The following NCAM2 variants were observed in gnomAD, a reference collection of about 807,000 sequenced individuals.
NCAM2 encodes neural cell adhesion molecule 2.
NCAM2 carries 30 observed loss-of-function variants against 98.1 expected under a neutral mutation model. The ratio of observed to expected loss-of-function variants is 0.31; its 90% confidence interval spans 0.23 to 0.41. The LOEUF (loss-of-function observed/expected upper bound fraction) is 0.41, where lower values mean the gene tolerates loss of function less well. Ranked by LOEUF, NCAM2 falls within the 10% of genes least tolerant of loss-of-function variation. The probability of loss-of-function intolerance (pLI) is 1.00; values close to 1 mark genes in which losing one functional copy is unlikely to be tolerated. For missense variants in NCAM2, 867 were observed against 1,005.8 expected (o/e 0.86, Z 1.87); for synonymous variants, 368 against 342.4 (o/e 1.07, Z -0.83).
At chr21:21,252,398 C>G (rs1435724529) in intron 1 of NCAM2, among the ~76,000 whole-genome samples, 6 of 149,962 alleles carry the variant, frequency 4.0e-5, no homozygotes, top group Non-Finnish European at 7.4e-5. Flanking sequence ...AAGATATATA[C>G]TCTCCTTTAT....
intron 1 of NCAM2, among the ~76,000 whole-genome samples, chr21:21,232,585 T>A (rs2070673599): frequency 6.6e-6 from 1 of 151,658 alleles, no homozygotes; most frequent in African/African-American, 2.4e-5. Context: ...CAGCCAATGA[T>A]CTTAGGAAAA....
At chr21:21,181,496 CG>C (rs2068467384) in intron 1 of NCAM2, among the ~76,000 whole-genome samples, 1 of 152,044 alleles carries the variant, frequency 6.6e-6, no homozygotes. Context: ...TTGTCGTGTG[CG>C]TTGTCAAAAA....
intron 8 of NCAM2, among the ~76,000 whole-genome samples, chr21:21,363,226 G>A (rs183503784): frequency 1.2e-3 from 180 of 152,140 alleles, no homozygotes; most frequent in African/African-American, 4.2e-3. Flanking sequence ...CAATGAAACT[G>A]CATGCTTTTA....
In NCAM2 at chr21:21,041,341, AT is replaced by A. The variant is rs1357276666; in HGVS notation, c.55+42729del. 3.3e-5 allele frequency among the ~76,000 whole-genome samples: 5 copies of A among 152,224 alleles called. No individual in the cohort carries two copies. In the East Asian group the frequency reaches 9.7e-4, roughly 29 times the overall value. ...GAAGCCGTGTTATGCTCTCAACAGA[AT>A]TTTTTCACTCATTAATTGTATAAGT... On this transcript the variant is annotated intron_variant, in intron 1 of 17. Transcript: ENST00000400546.
At chr21:21,363,916 C>A (rs1454733211) in intron 8 of NCAM2, among the ~76,000 whole-genome samples, 1 of 151,970 alleles carries the variant, frequency 6.6e-6, no homozygotes, top group Non-Finnish European at 1.5e-5. Flanking sequence ...CTGTTAGATC[C>A]TCTCTGAAGA....
At chr21:21,240,752 C>T (rs2071033787) in intron 1 of NCAM2, among the ~76,000 whole-genome samples, 1 of 152,110 alleles carries the variant, frequency 6.6e-6, no homozygotes, top group Admixed American at 6.6e-5. Context: ...ACACTGTGAC[C>T]TGGTTAAGTA....
At chr21:21,395,363 A>AT (rs2076480521) in intron 9 of NCAM2, among the ~76,000 whole-genome samples, 1 of 152,184 alleles carries the variant, frequency 6.6e-6, no homozygotes, top group South Asian at 2.1e-4. Flanking sequence ...AAGAAAAATA[A>AT]TTTTTAAATT....
chr21:21,390,306 T>C (rs1336338675), intron 9 of NCAM2, among the ~76,000 whole-genome samples: 1 of 152,152 alleles, frequency 6.6e-6, no homozygotes, highest in Non-Finnish European at 1.5e-5. Context: ...CCCATTGCCA[T>C]TGTCTATATT....
In NCAM2 at chr21:21,539,090, G is replaced by A. The variant is rs1317384505; in HGVS notation, c.*1133G>A. ...TGTTCTATTCCGGATGTTCTAGCTA[G>A]AAGTCATTTTAAGATTTTGATAAAC... is the stretch of plus-strand genomic sequence containing the variant. On this transcript the variant is annotated 3_prime_UTR_variant, in exon 18 of 18. Transcript: ENST00000400546. 6.6e-6 allele frequency: 1 copy of A among 152,104 alleles called. No homozygotes were observed. Among genetic ancestry groups the A allele is most frequent in the Non-Finnish European group, 1.5e-5 (1 of 68,002 alleles). 9.4% of individuals were successfully genotyped at this position (152,104 alleles called of 1,614,324 possible). A position where few individuals can be genotyped will look rare whatever the true frequency, so the allele number is the denominator to read the frequency against.
chr21:21,083,868 C>T (rs1396434348), intron 1 of NCAM2, among the ~76,000 whole-genome samples: 2 of 152,102 alleles, frequency 1.3e-5, no homozygotes, highest in African/African-American at 4.8e-5. Context: ...AGGATATTGA[C>T]ATTGATAAAT....
At chr21:21,001,355 A>C (rs906513366) in intron 1 of NCAM2, among the ~76,000 whole-genome samples, 2 of 152,206 alleles carry the variant, frequency 1.3e-5, no homozygotes, top group Non-Finnish European at 2.9e-5. Context: ...CTGCAAGATT[A>C]ATGTATAATG....
At chr21:21,247,549 C>A (rs759632134) in intron 1 of NCAM2, among the ~76,000 whole-genome samples, 4 of 151,922 alleles carry the variant, frequency 2.6e-5, no homozygotes, top group African/African-American at 4.8e-5. Context: ...ATATAGCTAC[C>A]CTATAATTTA....
chr21:21,423,371 C>T (rs2145980443), intron 11 of NCAM2, among the ~76,000 whole-genome samples: 1 of 152,268 alleles, frequency 6.6e-6, no homozygotes, highest in East Asian at 1.9e-4. Flanking sequence ...ATGACAAGTA[C>T]TCAACAAATA....
chr21:21,522,953 C>T (rs1478570930), intron 16 of NCAM2, among the ~76,000 whole-genome samples: 1 of 152,090 alleles, frequency 6.6e-6, no homozygotes, highest in Non-Finnish European at 1.5e-5. Context: ...CAGAAAAATG[C>T]TTTAAACTAG....
intron 1 of NCAM2, among the ~76,000 whole-genome samples, chr21:21,229,497 C>T (rs1852589470): frequency 6.6e-6 from 1 of 151,516 alleles, no homozygotes; most frequent in South Asian, 2.1e-4. Flanking sequence ...ACTTTGCATA[C>T]ATACATTTAT....
intron 5 of NCAM2, among the ~76,000 whole-genome samples, chr21:21,318,751 T>A (rs939453391): frequency 6.6e-6 from 1 of 152,180 alleles, no homozygotes; most frequent in Non-Finnish European, 1.5e-5. Context: ...CTGTAATAGA[T>A]ATGTATCTGG....
chr21:21,331,900 T>TTTTG (rs2074720182), intron 6 of NCAM2, among the ~76,000 whole-genome samples: 1 of 146,908 alleles, frequency 6.8e-6, no homozygotes, highest in Non-Finnish European at 1.5e-5. Context: ...TCCTGGGAAT[T>TTTTG]TTTATTTATT....
chr21:21,169,887 A>G (rs919491061), intron 1 of NCAM2, among the ~76,000 whole-genome samples: 12 of 152,140 alleles, frequency 7.9e-5, no homozygotes, highest in Non-Finnish European at 1.3e-4. Context: ...GACCCCAGGG[A>G]AGTCGAGGCT....
chr21:21,223,898 G>C (rs2826738), intron 1 of NCAM2, among the ~76,000 whole-genome samples: 56,316 of 151,954 alleles, frequency 0.37, 10,622 homozygotes, highest in Non-Finnish European at 0.4. Flanking sequence ...AGCAGAAAAA[G>C]CATTTGCTAT....
Sources: allele counts gnomAD v4.1 joint callset (sites outside exome capture counted in the v4.1 genomes callset), GRCh38; gene constraint gnomAD v4.1.1; transcripts MANE v1.5; gene names NCBI Gene and HGNC (gene_info 2026-07-23, HGNC 2026-07-21).